Variants in LARGE1 observed in about 807,000 individuals in gnomAD.
LARGE1 encodes the protein LARGE xylosyl- and glucuronyltransferase 1.
In LARGE1, 43 loss-of-function variants were observed where a neutral mutation model predicts 87.6. The ratio of observed to expected loss-of-function variants is 0.49; its 90% confidence interval spans 0.38 to 0.63. The LOEUF (loss-of-function observed/expected upper bound fraction) is 0.63, where lower values mean the gene tolerates loss of function less well. Among genes scored for constraint, LARGE1 ranks in the 30% least tolerant of loss-of-function variants. The probability of loss-of-function intolerance (pLI) is 0.00; values close to 1 mark genes in which losing one functional copy is unlikely to be tolerated. For missense variants in LARGE1, 802 were observed against 1,000.2 expected (o/e 0.80, Z 2.67); for synonymous variants, 434 against 394.6 (o/e 1.10, Z -1.18).
At chr22:33,285,654 T>A (rs1427388369) in intron 12 of LARGE1, among the ~76,000 whole-genome samples, 1 of 149,440 alleles carries the variant, frequency 6.7e-6, no homozygotes, top group African/African-American at 2.5e-5. Flanking sequence ...CAAAAAAACC[T>A]TGTCCTCCAT....
intron 9 of LARGE1, among the ~76,000 whole-genome samples, chr22:33,356,639 G>T (rs1246355982): frequency 6.6e-6 from 1 of 152,118 alleles, no homozygotes; most frequent in East Asian, 1.9e-4. Context: ...GCATGGTGGT[G>T]TGTGCCAGTA....
intron 1 of LARGE1, among the ~76,000 whole-genome samples, chr22:33,860,668 G>A (rs890623247): frequency 1.3e-5 from 2 of 152,166 alleles, no homozygotes; most frequent in South Asian, 2.1e-4. Context: ...GAGGATGGGC[G>A]TGCAACCGTG....
rs540794360 is a variant in LARGE1, at chr22:33,405,622, T to C, written c.893-21318A>G. ...CACTACAGGGGCAGGAGCCTTCTGC[T>C]TTCAATACGGAATGCTCCATGTTCC... On this transcript the variant is annotated intron_variant, in intron 7 of 14. Coordinates refer to ENST00000397394, the MANE Select transcript of LARGE1 (RefSeq NM_133642.5). Among the ~76,000 whole-genome samples, 3 of 152,360 alleles carry C rather than the reference T, an allele frequency of 2.0e-5. No homozygotes were observed. In the East Asian group the frequency reaches 5.8e-4, roughly 29 times the overall value.
At chr22:33,251,421 T>G (rs1602149008) in intron 11 of LARGE1, among the ~76,000 whole-genome samples, 1 of 151,478 alleles carries the variant, frequency 6.6e-6, no homozygotes, top group South Asian at 2.1e-4. Flanking sequence ...TTCTGCTCTG[T>G]TTTTTTTTCT....
rs369394573 is a variant in LARGE1 at position 33,311,127 on chromosome 22, AT to A, written c.1451+4957del. Among the ~76,000 whole-genome samples the A allele has an allele frequency of 4.4e-3, 675 of 152,030 alleles. 19 individuals are homozygous for A. The East Asian group carries it at 0.061, about 14-fold the overall frequency. Reference sequence around the variant, plus strand: ...AGGCGCCCGCCACCATGCCAGGCTAATTTTTTGTATTTTTAGTAGAGATGGG... The same window carrying A: ...AGGCGCCCGCCACCATGCCAGGCTAATTTTTGTATTTTTAGTAGAGATGGG... On this transcript the variant is annotated intron_variant, in intron 11 of 14. Transcript: ENST00000397394.
At chr22:33,430,063 G>A (rs2147696940) in intron 7 of LARGE1, among the ~76,000 whole-genome samples, 2 of 152,296 alleles carry the variant, frequency 1.3e-5, no homozygotes, top group South Asian at 4.2e-4. Context: ...GAAGGGCAGA[G>A]CCCAGAATTC....
At position 33,769,825 on chromosome 22, in the gene LARGE1, C is replaced by T. The variant is rs567699255; in HGVS notation, c.-82-8267G>A. Among the ~76,000 whole-genome samples, 3 of 152,326 alleles carry T rather than the reference C, an allele frequency of 2.0e-5. No individual in the cohort carries two copies. In the East Asian group the frequency reaches 5.8e-4, roughly 29 times the overall value. Reference sequence around the variant, plus strand: ...AATGGGCCTCTGTCCTTCTGGCTTCCAGCTGTCTCTCCTGGATCCTCCTGC... The same window carrying T: ...AATGGGCCTCTGTCCTTCTGGCTTCTAGCTGTCTCTCCTGGATCCTCCTGC... On this transcript the variant is annotated intron_variant, in intron 1 of 14. Coordinates refer to ENST00000397394, the MANE Select transcript of LARGE1 (RefSeq NM_133642.5).
At chr22:33,798,320 T>TCAAAA (rs2086052459) in intron 1 of LARGE1, among the ~76,000 whole-genome samples, 1 of 143,234 alleles carries the variant, frequency 7.0e-6, no homozygotes, top group Non-Finnish European at 1.6e-5. Flanking sequence ...ATCAATCAAA[T>TCAAAA]GAAGTACCTA....
At chr22:33,098,627 AT>A in the LARGE1 span, among the ~76,000 whole-genome samples, 1 of 152,200 alleles carries the variant, frequency 6.6e-6, no homozygotes, top group Non-Finnish European at 1.5e-5. Flanking sequence ...TCTCAAAAAA[AT>A]AAATAAATAA....
the LARGE1 span, among the ~76,000 whole-genome samples, chr22:33,127,713 G>T: frequency 1.3e-5 from 2 of 152,172 alleles, no homozygotes; most frequent in African/African-American, 2.4e-5. Flanking sequence ...ATAATAAGGA[G>T]GGTATGATAA....
chr22:33,808,421 G>A (rs1450676751), intron 1 of LARGE1, among the ~76,000 whole-genome samples: 1 of 152,182 alleles, frequency 6.6e-6, no homozygotes. Context: ...CCAGAGTGCT[G>A]AGACTCAGCA....
intron 1 of LARGE1, among the ~76,000 whole-genome samples, chr22:33,782,076 T>C (rs144760460): frequency 4.9e-4 from 75 of 152,336 alleles, no homozygotes; most frequent in South Asian, 8.3e-4. Context: ...AGACAAAGAA[T>C]TGGCATATCC....
chr22:33,309,701 T>C (rs974561867), intron 11 of LARGE1, among the ~76,000 whole-genome samples: 1 of 152,178 alleles, frequency 6.6e-6, no homozygotes, highest in Non-Finnish European at 1.5e-5. Flanking sequence ...GATCTGGCGT[T>C]GTGAAAAGTC....
At chr22:33,082,777 C>T in the LARGE1 span, among the ~76,000 whole-genome samples, 1 of 152,126 alleles carries the variant, frequency 6.6e-6, no homozygotes, top group East Asian at 1.9e-4. Flanking sequence ...ACTTAATAAA[C>T]TACCTTGGGA....
At chr22:33,636,314 C>G (rs1341786433) in intron 3 of LARGE1, among the ~76,000 whole-genome samples, 2 of 152,116 alleles carry the variant, frequency 1.3e-5, no homozygotes, top group East Asian at 1.9e-4. Context: ...TCCAAAAAGT[C>G]CACACACATT....
intron 1 of LARGE1, among the ~76,000 whole-genome samples, chr22:33,892,400 G>T (rs1328010724): frequency 1.3e-5 from 2 of 152,160 alleles, no homozygotes; most frequent in Non-Finnish European, 2.9e-5. Context: ...AAATGCTCAA[G>T]ATCTTTTAAG....
At chr22:33,646,750 C>T (rs562231765) in intron 3 of LARGE1, among the ~76,000 whole-genome samples, 163 of 152,186 alleles carry the variant, frequency 1.1e-3, no homozygotes, top group African/African-American at 3.6e-3. Context: ...TTTTTTGAGA[C>T]GGAGTCTCGC....
intron 7 of LARGE1, among the ~76,000 whole-genome samples, chr22:33,428,318 C>CTTT (rs34881147): frequency 7.5e-6 from 1 of 132,964 alleles, no homozygotes; most frequent in African/African-American, 2.8e-5. Context: ...TTTGTTATGT[C>CTTT]TTTTTTTTTT....
At chr22:33,886,196 G>C (rs1305321268) in intron 1 of LARGE1, among the ~76,000 whole-genome samples, 1 of 152,126 alleles carries the variant, frequency 6.6e-6, no homozygotes, top group Non-Finnish European at 1.5e-5. Flanking sequence ...TGCTCAGTAA[G>C]GACCCAGTAA....
Sources: gnomAD v4.1 joint callset for allele counts (sites outside exome capture counted in the v4.1 genomes callset) on GRCh38, gnomAD v4.1.1 for gene constraint, MANE v1.5 for transcripts, NCBI Gene and HGNC (gene_info 2026-07-23, HGNC 2026-07-21) for gene names.